SEMA3E: variants seen among roughly 807,000 people sequenced by gnomAD.
SEMA3E encodes the protein semaphorin 3E, also known as semaphorin-3E.
In SEMA3E, 49 loss-of-function variants were observed where a neutral mutation model predicts 93.6. The observed-to-expected ratio is 0.52, with a 90% CI of 0.42 to 0.66. The LOEUF (loss-of-function observed/expected upper bound fraction) is 0.66. SEMA3E is among the 30% of genes least tolerant of loss of function. The pLI is 0.00. For missense variants in SEMA3E, 906 were observed against 964.8 expected (o/e 0.94, Z 0.81); for synonymous variants, 363 against 330.7 (o/e 1.10, Z -1.06).
chr7:83,515,181 C>T (rs1380847279), intron 1 of SEMA3E, among the ~76,000 whole-genome samples: 1 of 151,964 alleles, frequency 6.6e-6, no homozygotes, highest in Non-Finnish European at 1.5e-5. Flanking sequence ...TCCTCTCCTC[C>T]TTTTCCTTCT....
intron 1 of SEMA3E, among the ~76,000 whole-genome samples, chr7:83,560,086 G>T (rs1223482966): frequency 6.6e-6 from 1 of 151,972 alleles, no homozygotes; most frequent in African/African-American, 2.4e-5. Context: ...TGAATAAATG[G>T]ACAAAAGAGG....
intron 1 of SEMA3E, among the ~76,000 whole-genome samples, chr7:83,548,756 C>A (rs1562828326): frequency 6.6e-6 from 1 of 152,090 alleles, no homozygotes; most frequent in Non-Finnish European, 1.5e-5. Context: ...CCTAAATACA[C>A]CACGCAGCCT....
intron 1 of SEMA3E, among the ~76,000 whole-genome samples, chr7:83,584,302 A>G (rs930163834): frequency 3.3e-5 from 5 of 152,160 alleles, no homozygotes; most frequent in African/African-American, 1.2e-4. Flanking sequence ...CAGCTAATGA[A>G]TGCCAAAGAC....
chr7:83,409,921 A>G (rs1788406371), intron 5 of SEMA3E, among the ~76,000 whole-genome samples: 1 of 151,638 alleles, frequency 6.6e-6, no homozygotes, highest in Non-Finnish European at 1.5e-5. Flanking sequence ...AAGACAAATT[A>G]AAAGGAAGTT....
At chr7:83,442,561 C>A (rs1044100029) in intron 4 of SEMA3E, among the ~76,000 whole-genome samples, 7 of 152,140 alleles carry the variant, frequency 4.6e-5, no homozygotes, top group Admixed American at 1.3e-4. Context: ...AAGAAAAACA[C>A]CATCAGTGAA....
intron 1 of SEMA3E, among the ~76,000 whole-genome samples, chr7:83,555,309 C>T (rs748960751): frequency 1.2e-4 from 19 of 152,182 alleles, no homozygotes; most frequent in Admixed American, 3.9e-4. Flanking sequence ...CACAACTGCA[C>T]TTGTGCCGCT....
At position 83,509,581 on chromosome 7, in the gene SEMA3E, A is replaced by G. The variant is rs1436829354; in HGVS notation, c.116-19307T>C. On this transcript the variant is annotated intron_variant, in intron 1 of 16. Coordinates refer to ENST00000643230, the MANE Select transcript of SEMA3E (RefSeq NM_012431.3). The stretch of plus-strand genomic sequence containing the variant: ...CAAACAAAAAAACCAACTTATATCT[A>G]TGGTAAATTCAGTGTTCAGTGTGGG... Among the ~76,000 whole-genome samples the G allele has an allele frequency of 2.6e-5, 4 of 152,192 alleles. No individual in the cohort carries two copies. The East Asian group carries it at 7.7e-4, about 29-fold the overall frequency.
chr7:83,527,557 C>A lies in SEMA3E; in HGVS notation c.116-37283G>T, dbSNP rs1226632767. Among the ~76,000 whole-genome samples, 5 of 152,064 alleles carry A rather than the reference C, an allele frequency of 3.3e-5. No individual in the cohort carries two copies. The South Asian group carries it at 8.3e-4, about 25-fold the overall frequency. ...TTCAAGAATTTAGGTTACAACTACACCCTAGTTGTAAAGCCTCAGATATAT... is the reference window on the plus strand; with the variant it reads ...TTCAAGAATTTAGGTTACAACTACAACCTAGTTGTAAAGCCTCAGATATAT... On this transcript the variant is annotated intron_variant, in intron 1 of 16. Transcript: ENST00000643230.
At chr7:83,520,638 A>G (rs1413016184) in intron 1 of SEMA3E, among the ~76,000 whole-genome samples, 2 of 152,178 alleles carry the variant, frequency 1.3e-5, no homozygotes, top group Non-Finnish European at 2.9e-5. Flanking sequence ...ATCAGTTACT[A>G]GAGTGCCAAC....
At chr7:83,617,118 AAC>A (rs1793386877) in intron 1 of SEMA3E, among the ~76,000 whole-genome samples, 1 of 152,262 alleles carries the variant, frequency 6.6e-6, no homozygotes, top group African/African-American at 2.4e-5. Flanking sequence ...TTAAATAGAA[AAC>A]ACAAAGTGAA....
intron 14 of SEMA3E, 30 bp from the exon 15 acceptor site, chr7:83,387,080 CA>C: frequency 1.2e-6 from 2 of 1,602,014 alleles, no homozygotes; most frequent in Non-Finnish European, 1.7e-6. Flanking sequence ...TTTAGATGTT[CA>C]TTTTTTCAAT....
intron 4 of SEMA3E, among the ~76,000 whole-genome samples, chr7:83,419,012 G>C (rs1022522914): frequency 6.6e-6 from 1 of 152,048 alleles, no homozygotes; most frequent in Admixed American, 6.5e-5. Context: ...TGAGCATAGT[G>C]TCCAACAGGC....
chr7:83,625,780 T>C (rs563884183), intron 1 of SEMA3E, among the ~76,000 whole-genome samples: 1 of 152,118 alleles, frequency 6.6e-6, no homozygotes, highest in East Asian at 1.9e-4. Context: ...CTTTGTCTTG[T>C]GCCGATTTTC....
intron 13 of SEMA3E, among the ~76,000 whole-genome samples, chr7:83,393,708 T>G (rs1788064891): frequency 6.6e-6 from 1 of 152,170 alleles, no homozygotes; most frequent in African/African-American, 2.4e-5. Context: ...GAAGGATTAT[T>G]TATAAATAAA....
At chr7:83,641,480 G>T in intron 1 of SEMA3E, 1 of 643,034 alleles carries the variant, frequency 1.6e-6, no homozygotes, top group Non-Finnish European at 1.9e-6. Flanking sequence ...TCTATTGTGC[G>T]TTACAAAGCT....
rs186259439 is a variant in SEMA3E at position 83,534,023 on chromosome 7, A to G, written c.116-43749T>C. ...AAATAGCATATCATATGGGAAGAAA[A>G]TGAAGTTTCCATTTTTAAGCTTCTG... On this transcript the variant is annotated intron_variant, in intron 1 of 16. Transcript: ENST00000643230. 2.0e-3 allele frequency among the ~76,000 whole-genome samples: 308 copies of G among 152,332 alleles called. 2 individuals are homozygous for G. The highest frequency in any genetic ancestry group is 7.7e-3 in the Admixed American group (118 of 15,282).
At chr7:83,600,277 A>T (rs1412917939) in intron 1 of SEMA3E, among the ~76,000 whole-genome samples, 1 of 151,962 alleles carries the variant, frequency 6.6e-6, no homozygotes, top group African/African-American at 2.4e-5. Flanking sequence ...GTTACACTAG[A>T]AAGGAAGCAT....
rs11979900 is a variant in SEMA3E, at chr7:83,525,215, G to A, written c.116-34941C>T. 3.0e-3 allele frequency among the ~76,000 whole-genome samples: 463 copies of A among 152,148 alleles called. 3 individuals are homozygous for A. Among genetic ancestry groups the A allele is most frequent in the African/African-American group, 0.011 (444 of 41,540 alleles). On this transcript the variant is annotated intron_variant, in intron 1 of 16. Transcript: ENST00000643230. ...TTGCCTCCTGGATTTTAGAGTTGAAGCTATGAAGAACAAAGCAATATTAAT... is the reference window on the plus strand; with the variant it reads ...TTGCCTCCTGGATTTTAGAGTTGAAACTATGAAGAACAAAGCAATATTAAT...
chr7:83,464,722 G>A (rs1250852997), intron 4 of SEMA3E, among the ~76,000 whole-genome samples: 2 of 124,198 alleles, frequency 1.6e-5, no homozygotes, highest in Admixed American at 9.2e-5. Flanking sequence ...TACGACAAAT[G>A]TTTCTTCTAA....
Sources: gnomAD v4.1 joint callset for allele counts (sites outside exome capture counted in the v4.1 genomes callset) on GRCh38, gnomAD v4.1.1 for gene constraint, MANE v1.5 for transcripts, NCBI Gene and HGNC (gene_info 2026-07-23, HGNC 2026-07-21) for gene names.